Variants in UGGT1 observed in about 807,000 individuals in gnomAD.
The protein encoded by UGGT1 is UDP-glucose:glycoprotein glucosyltransferase 1.
In UGGT1, 107 loss-of-function variants were observed where a neutral mutation model predicts 203.9. That is an observed-to-expected ratio of 0.52 (90% confidence interval 0.45 to 0.62). UGGT1 has a LOEUF of 0.62. Ranked by LOEUF, UGGT1 falls within the 20% of genes least tolerant of loss-of-function variation. The pLI is 0.00. For missense variants in UGGT1, 1,673 were observed against 1,867.2 expected (o/e 0.90, Z 1.92); for synonymous variants, 628 against 653.5 (o/e 0.96, Z 0.59).
At chr2:128,109,531 A>C (rs1687755614) in intron 4 of UGGT1, 103 bp from the exon 5 acceptor site, 2 of 960,722 alleles carry the variant, frequency 2.1e-6, no homozygotes, top group Admixed American at 3.8e-5. Flanking sequence ...CAGTTTCAAC[A>C]ATGTTGTTTT....
chr2:128,165,352 C>A (rs1450194806), intron 26 of UGGT1, among the ~76,000 whole-genome samples: 1 of 152,180 alleles, frequency 6.6e-6, no homozygotes, highest in Non-Finnish European at 1.5e-5. Flanking sequence ...ATGATCTCAT[C>A]ACTGCACTTC....
intron 26 of UGGT1, among the ~76,000 whole-genome samples, chr2:128,166,904 C>G (rs1159576681): frequency 6.6e-6 from 1 of 152,084 alleles, no homozygotes; most frequent in East Asian, 1.9e-4. Context: ...TTTAGTGGGC[C>G]TGTGTTTTTT....
chr2:128,178,265 T>C (rs1367875951), intron 33 of UGGT1, among the ~76,000 whole-genome samples: 2 of 152,214 alleles, frequency 1.3e-5, no homozygotes, highest in African/African-American at 4.8e-5. Flanking sequence ...AACAACACTG[T>C]CGGAGAGTGA....
At chr2:128,126,950 T>C (rs1487035496) in intron 11 of UGGT1, among the ~76,000 whole-genome samples, 1 of 152,150 alleles carries the variant, frequency 6.6e-6, no homozygotes, top group African/African-American at 2.4e-5. Context: ...CCCCAAGTGC[T>C]GAGATTACAG....
chr2:128,145,828 C>G lies in UGGT1; in HGVS notation c.1877C>G (p.Thr626Ser), dbSNP rs1378985130. ...GAAGCAAGAGGCTACTATGAGCAGA[C>G]TGGAGTTGGACCTCTGCCCGTTGTG... The part of the protein sequence containing the change: ...RKEARGYYEQ[T>S]GVGPLPVVLF... Residue 626 changes from threonine to serine, a missense_variant, in exon 18 of 41, where the codon ACT becomes AGT. Physicochemically the swap from Thr to Ser is moderately conservative, Grantham distance 58 (BLOSUM62 1). This residue lies in a region of UGGT1 where 1,073 missense variants were observed against 1,078.7 expected (regional missense o/e 0.99). Transcript: ENST00000259253. The G allele has an allele frequency of 6.2e-7, 1 of 1,607,084 alleles. No individual in the cohort carries two copies. Among genetic ancestry groups the G allele is most frequent in the Non-Finnish European group, 8.5e-7 (1 of 1,175,600 alleles).
intron 19 of UGGT1, among the ~76,000 whole-genome samples, chr2:128,154,838 T>C (rs1690151711): frequency 1.3e-5 from 2 of 152,110 alleles, no homozygotes; most frequent in South Asian, 4.1e-4. Flanking sequence ...GGGGAGATTG[T>C]TAGAGACAGA....
chr2:128,161,894 G>A (rs996037054), intron 25 of UGGT1, among the ~76,000 whole-genome samples: 2 of 152,130 alleles, frequency 1.3e-5, no homozygotes, highest in African/African-American at 4.8e-5. Context: ...GTAGTTGGAG[G>A]ATCTATTTCT....
chr2:128,153,424 T>G (rs1366343877), intron 19 of UGGT1, among the ~76,000 whole-genome samples: 2 of 152,168 alleles, frequency 1.3e-5, no homozygotes, highest in Admixed American at 1.3e-4. Flanking sequence ...CCACAAAGTT[T>G]GTGCAGTCAT....
At position 128,123,193 on chromosome 2, in the gene UGGT1, A is replaced by G. The variant is rs1688460875; in HGVS notation, c.1081A>G (p.Thr361Ala). 6.2e-7 allele frequency: 1 copy of G among 1,613,524 alleles called. No homozygotes were observed. The change falls in exon 11 of 41, where the codon ACA (threonine) becomes GCA (alanine). Residue 361 changes from threonine to alanine, a missense_variant. Physicochemically the swap from Thr to Ala is moderately conservative, Grantham distance 58. This residue lies in a region of UGGT1 where 1,073 missense variants were observed against 1,078.7 expected (regional missense o/e 0.99). Coordinates refer to ENST00000259253, the MANE Select transcript of UGGT1 (RefSeq NM_020120.4). ...ATGTTTTTATTTCCTTAGAGCAATAACAAAAACAGCTGTGAGCTCAGAACT... is the reference window on the plus strand; with the variant it reads ...ATGTTTTTATTTCCTTAGAGCAATAGCAAAAACAGCTGTGAGCTCAGAACT... Reference protein sequence around the residue: ...QNFPTKARAITKTAVSSELRT... With the variant: ...QNFPTKARAIAKTAVSSELRT...
At chr2:128,126,982 C>T (rs1017376177) in intron 11 of UGGT1, among the ~76,000 whole-genome samples, 1 of 152,142 alleles carries the variant, frequency 6.6e-6, no homozygotes, top group African/African-American at 2.4e-5. Flanking sequence ...TGTGCCTGGC[C>T]TGGATCAGCC....
chr2:128,102,090 C>T (rs560933944), intron 2 of UGGT1, among the ~76,000 whole-genome samples: 14 of 152,252 alleles, frequency 9.2e-5, no homozygotes, highest in African/African-American at 2.4e-4. Flanking sequence ...TCTCTCCTCC[C>T]GCACTAGAAT....
At chr2:128,130,929 A>G (rs1323725691) in intron 13 of UGGT1, among the ~76,000 whole-genome samples, 1 of 151,944 alleles carries the variant, frequency 6.6e-6, no homozygotes, top group Non-Finnish European at 1.5e-5. Context: ...CCTGACTCCT[A>G]TTTAATATTC....
chr2:128,108,000 C>A lies in UGGT1; in HGVS notation c.340C>A (p.Gln114Lys). Residue 114 changes from glutamine (Q) to lysine (K), a missense_variant, in exon 4 of 41, where the codon CAG becomes AAG. Coordinates refer to ENST00000259253, the MANE Select transcript of UGGT1 (RefSeq NM_020120.4). ...EAAFQFLSPLQQNLFKFCLSL... is the reference protein window; with the variant it reads ...EAAFQFLSPLKQNLFKFCLSL... ...TGCATTTCAGTTTCTGTCACCCCTC[C>A]AGCAGAATTTGTTTAAATTTTGTCT... 6.2e-7 allele frequency: 1 copy of A among 1,614,122 alleles called. No individual in the cohort carries two copies. Among genetic ancestry groups the A allele is most frequent in the Non-Finnish European group, 8.5e-7 (1 of 1,180,014 alleles).
intron 18 of UGGT1, among the ~76,000 whole-genome samples, chr2:128,149,800 A>T (rs1473098810): frequency 2.0e-5 from 3 of 149,614 alleles, no homozygotes; most frequent in Non-Finnish European, 4.5e-5. Context: ...AAAAAAAAAA[A>T]TAATAATAAT....
At chr2:128,188,220 G>A (rs1350346218) in intron 40 of UGGT1, among the ~76,000 whole-genome samples, 4 of 150,998 alleles carry the variant, frequency 2.6e-5, no homozygotes, top group Non-Finnish European at 4.4e-5. Flanking sequence ...ATTTTTTGTA[G>A]TTTTAGTAGA....
At chr2:128,120,693 T>C (rs1446930814) in intron 9 of UGGT1, among the ~76,000 whole-genome samples, 3 of 152,208 alleles carry the variant, frequency 2.0e-5, no homozygotes, top group African/African-American at 7.2e-5. Flanking sequence ...TGTGTGACCA[T>C]ACATAAACTT....
At chr2:128,137,466 G>A (rs1003372232) in intron 15 of UGGT1, among the ~76,000 whole-genome samples, 2 of 152,168 alleles carry the variant, frequency 1.3e-5, no homozygotes, top group African/African-American at 4.8e-5. Flanking sequence ...TTTATCAGAT[G>A]GTTGTTTTGC....
rs1417906582 is a variant in UGGT1 at position 128,183,777 on chromosome 2, A to G, written c.4347A>G (p.Ser1449=). 6.2e-7 allele frequency: 1 copy of G among 1,613,802 alleles called. No homozygotes were observed. The change falls in exon 38 of 41, where the codon TCA becomes TCG. Residue 1449 remains serine (S), a synonymous_variant. Coordinates refer to ENST00000259253, the MANE Select transcript of UGGT1 (RefSeq NM_020120.4). ...QGLSQDPNSL[S]NLDQDLPNNM... ...TGAGTCAGGACCCTAACAGCCTTTC[A>G]AATCTTGATCAAGTAAGTGTCCATT...
At chr2:128,176,967 C>G in intron 32 of UGGT1, 69 bp downstream of exon 32, 1 of 1,456,988 alleles carries the variant, frequency 6.9e-7, no homozygotes, top group South Asian at 1.2e-5. Context: ...TATCTTGGAA[C>G]CAGCCCAAGA....
Sources: gnomAD v4.1 joint callset for allele counts (sites outside exome capture counted in the v4.1 genomes callset) on GRCh38, gnomAD v4.1.1 for gene constraint, gnomAD v4.1.1 regional missense constraint, MANE v1.5 for transcripts, NCBI Gene and HGNC (gene_info 2026-07-23, HGNC 2026-07-21) for gene names.